Variants in CLDN10 observed in about 807,000 individuals in gnomAD.
CLDN10 encodes the protein claudin-10.
A neutral mutation model predicts 22.9 loss-of-function variants in CLDN10; 15 were observed. The observed-to-expected ratio is 0.65, with a 90% CI of 0.44 to 1.01. The LOEUF is 1.01. CLDN10 is among the 50% of genes least tolerant of loss of function. The probability of loss-of-function intolerance (pLI) is 0.00; values close to 1 mark genes in which losing one functional copy is unlikely to be tolerated. For synonymous variants in CLDN10, 114 were observed against 111.4 expected (o/e 1.02, Z -0.15); for missense variants, 247 against 287.8 (o/e 0.86, Z 1.03).
At chr13:95,561,926 A>G (rs1010123964) in intron 3 of CLDN10, among the ~76,000 whole-genome samples, 89 of 149,072 alleles carry the variant, frequency 6.0e-4, no homozygotes, top group African/African-American at 2.1e-3. Flanking sequence ...CCACAACCAG[A>G]TAATTTTTTT....
upstream of CLDN10, chr13:95,552,564 A>G: frequency 3.5e-6 from 1 of 287,128 alleles, no homozygotes; most frequent in Non-Finnish European, 5.2e-6. Context: ...GAGCCCTCTG[A>G]GGCCCCTCAA....
At chr13:95,478,022 G>A (rs1161116143) in intron 1 of CLDN10, among the ~76,000 whole-genome samples, 2 of 152,204 alleles carry the variant, frequency 1.3e-5, no homozygotes, top group African/African-American at 2.4e-5. Flanking sequence ...AAAAGCTCTG[G>A]AGGCCAGGCA....
intron 3 of CLDN10, among the ~76,000 whole-genome samples, chr13:95,572,265 A>G (rs1211157363): frequency 6.6e-6 from 1 of 152,218 alleles, no homozygotes; most frequent in East Asian, 1.9e-4. Context: ...ACAACTAAAA[A>G]TATGTTGCAT....
At chr13:95,571,001 G>A (rs1045445832) in intron 3 of CLDN10, among the ~76,000 whole-genome samples, 1 of 151,066 alleles carries the variant, frequency 6.6e-6, no homozygotes, top group Non-Finnish European at 1.5e-5. Flanking sequence ...AAGTAATTGC[G>A]TTTTTGTCAT....
At chr13:95,503,397 C>G (rs373757774) in intron 1 of CLDN10, among the ~76,000 whole-genome samples, 1 of 151,882 alleles carries the variant, frequency 6.6e-6, no homozygotes, top group East Asian at 1.9e-4. Flanking sequence ...TATATAAAAC[C>G]AAAGGGAAGG....
intron 1 of CLDN10, among the ~76,000 whole-genome samples, chr13:95,463,330 C>CTT (rs869042850): frequency 0.019 from 696 of 37,058 alleles, 90 homozygotes; most frequent in African/African-American, 0.071. Flanking sequence ...ATATATTTGC[C>CTT]TTTTTTTTTT....
chr13:95,453,465 C>A (rs998467799), intron 1 of CLDN10, among the ~76,000 whole-genome samples: 2 of 151,988 alleles, frequency 1.3e-5, no homozygotes, highest in African/African-American at 4.8e-5. Flanking sequence ...GGTGGATCAC[C>A]TGAAGTCAGG....
At chr13:95,558,566 T>C (rs1273372278) in intron 1 of CLDN10, among the ~76,000 whole-genome samples, 1 of 152,218 alleles carries the variant, frequency 6.6e-6, no homozygotes, top group East Asian at 1.9e-4. Context: ...GAGCAGCTCC[T>C]GTTTGCTCTT....
chr13:95,538,283 G>A (rs1026572760), intron 1 of CLDN10, among the ~76,000 whole-genome samples: 5 of 142,238 alleles, frequency 3.5e-5, no homozygotes, highest in Non-Finnish European at 6.0e-5. Context: ...CCTTACAGGC[G>A]CCCACCACCA....
chr13:95,444,337 G>T (rs2139069549), intron 1 of CLDN10, among the ~76,000 whole-genome samples: 1 of 152,320 alleles, frequency 6.6e-6, no homozygotes, highest in East Asian at 1.9e-4. Flanking sequence ...AAGGCAGCAG[G>T]TCTACAATTA....
intron 1 of CLDN10, among the ~76,000 whole-genome samples, chr13:95,440,192 G>A (rs1374272144): frequency 6.6e-6 from 1 of 151,712 alleles, no homozygotes; most frequent in Non-Finnish European, 1.5e-5. Context: ...GATTACAGGC[G>A]TGAGCCACCA....
intron 1 of CLDN10, among the ~76,000 whole-genome samples, chr13:95,509,650 C>G (rs1205835543): frequency 6.6e-6 from 1 of 152,224 alleles, no homozygotes; most frequent in Non-Finnish European, 1.5e-5. Context: ...TAAGTCAGCA[C>G]TCATATAGTA....
At chr13:95,487,008 T>C (rs1414496521) in intron 1 of CLDN10, among the ~76,000 whole-genome samples, 1 of 152,230 alleles carries the variant, frequency 6.6e-6, no homozygotes, top group African/African-American at 2.4e-5. Context: ...CGTCTTTGTG[T>C]TGTGTTTCGC....
At chr13:95,569,490 A>G (rs148490797) in intron 3 of CLDN10, among the ~76,000 whole-genome samples, 2,919 of 152,268 alleles carry the variant, frequency 0.019, 94 homozygotes, top group African/African-American at 0.067. Context: ...AGGCTGAGGC[A>G]GGAGAATCAC....
chr13:95,549,426 T>C (rs1287759556), upstream of CLDN10, among the ~76,000 whole-genome samples: 2 of 152,236 alleles, frequency 1.3e-5, no homozygotes, highest in Non-Finnish European at 2.9e-5. Context: ...ACAAGACATT[T>C]ATCCATTACT....
At chr13:95,529,985 G>C (rs1247795263) in intron 1 of CLDN10, among the ~76,000 whole-genome samples, 2 of 151,994 alleles carry the variant, frequency 1.3e-5, no homozygotes, top group Non-Finnish European at 2.9e-5. Flanking sequence ...ACATTGAGTT[G>C]ATTATATTTA....
At chr13:95,538,589 T>C (rs1333093465) in intron 1 of CLDN10, among the ~76,000 whole-genome samples, 1 of 152,214 alleles carries the variant, frequency 6.6e-6, no homozygotes, top group South Asian at 2.1e-4. Flanking sequence ...GCAAGGTCAA[T>C]GTGTGTGTTC....
chr13:95,517,951 A>AG (rs1199916215), intron 1 of CLDN10, among the ~76,000 whole-genome samples: 13 of 149,002 alleles, frequency 8.7e-5, no homozygotes, highest in East Asian at 7.8e-4. Flanking sequence ...AAAAAAAAAA[A>AG]AAAGAGAGAT....
At chr13:95,540,259 C>T (rs2043445568) in intron 1 of CLDN10, among the ~76,000 whole-genome samples, 1 of 151,504 alleles carries the variant, frequency 6.6e-6, no homozygotes, top group South Asian at 2.1e-4. Flanking sequence ...AAGATCACGC[C>T]ACTGCACTCC....
Sources: gnomAD v4.1 joint callset for allele counts (sites outside exome capture counted in the v4.1 genomes callset) on GRCh38, gnomAD v4.1.1 for gene constraint, MANE v1.5 for transcripts, NCBI Gene and HGNC (gene_info 2026-07-23, HGNC 2026-07-21) for gene names.